The following SLC13A3 variants were observed in gnomAD, a reference collection of about 807,000 sequenced individuals.
SLC13A3 encodes the protein solute carrier family 13 member 3, also known as Na(+)/dicarboxylate cotransporter 3.
A neutral mutation model predicts 59.0 loss-of-function variants in SLC13A3; 40 were observed. That is an observed-to-expected ratio of 0.68 (90% CI 0.53 to 0.88). SLC13A3 has a LOEUF of 0.88. SLC13A3 is among the 40% of genes least tolerant of loss of function. The probability of loss-of-function intolerance (pLI) is 0.00; values close to 1 mark genes in which losing one functional copy is unlikely to be tolerated. For synonymous variants in SLC13A3, 317 were observed against 330.3 expected, an observed-to-expected ratio of 0.96 and a Z score of 0.44; for missense variants, 699 against 783.2, an observed-to-expected ratio of 0.89 and a Z score of 1.28.
rs187942371 is a variant in SLC13A3 at position 46,667,310 on chromosome 20, T to C, written c.-31+2733A>G. ...AGGTATTTCTAGAGAATTGGATTCA[T>C]TGACATCAAAGGAACTCTGGTCCAT... On this transcript the variant is annotated intron_variant, in intron 1 of 12. Transcript: ENST00000290317. Among the ~76,000 whole-genome samples, 445 of 152,270 alleles carry C rather than the reference T, an allele frequency of 2.9e-3. 1 individual carries two copies. The highest frequency in any genetic ancestry group is 7.7e-3 in the Admixed American group (117 of 15,286).
intron 1 of SLC13A3, among the ~76,000 whole-genome samples, chr20:46,625,732 CTTTTAA>C (rs898271511): frequency 6.6e-6 from 1 of 152,168 alleles, no homozygotes; most frequent in African/African-American, 2.4e-5. Context: ...CTCTGGCTGT[CTTTTAA>C]TTTTAATTTT....
At chr20:46,656,070 A>G (rs1040615385), upstream of SLC13A3, among the ~76,000 whole-genome samples, 8 of 143,766 alleles carry the variant, frequency 5.6e-5, no homozygotes, top group East Asian at 1.5e-3. Flanking sequence ...ACAGTATACT[A>G]TATATACATA....
intron 11 of SLC13A3, 34 bp downstream of exon 11, chr20:46,566,195 G>A (rs772876304): frequency 6.3e-7 from 1 of 1,585,516 alleles, no homozygotes; most frequent in Non-Finnish European, 8.7e-7. Context: ...TGTTGGGGGA[G>A]GGGTGCTCCC....
chr20:46,593,747 A>G (rs1418191941), intron 5 of SLC13A3, among the ~76,000 whole-genome samples: 2 of 152,214 alleles, frequency 1.3e-5, no homozygotes, highest in Non-Finnish European at 2.9e-5. Flanking sequence ...CATAGTCACT[A>G]AAAATTATGT....
At chr20:46,633,787 A>T (rs1306346612) in intron 1 of SLC13A3, among the ~76,000 whole-genome samples, 1 of 152,274 alleles carries the variant, frequency 6.6e-6, no homozygotes, top group Non-Finnish European at 1.5e-5. Flanking sequence ...CCTCTGCCTC[A>T]ATGCAAACCA....
At chr20:46,607,240 G>A (rs1413076942) in intron 3 of SLC13A3, among the ~76,000 whole-genome samples, 2 of 152,168 alleles carry the variant, frequency 1.3e-5, no homozygotes, top group Non-Finnish European at 2.9e-5. Flanking sequence ...TCTGCATGTG[G>A]TGGTTACTCA....
chr20:46,604,558 T>C (rs563568371), intron 3 of SLC13A3, among the ~76,000 whole-genome samples: 3 of 152,270 alleles, frequency 2.0e-5, no homozygotes, highest in Admixed American at 6.5e-5. Context: ...GCCCCGTGGT[T>C]TGGGGAAGTC....
intron 1 of SLC13A3, among the ~76,000 whole-genome samples, chr20:46,624,401 G>A (rs775840558): frequency 2.0e-5 from 3 of 152,198 alleles, no homozygotes; most frequent in Non-Finnish European, 4.4e-5. Flanking sequence ...CTATGCAGGA[G>A]GTTCCATGAT....
intron 1 of SLC13A3, chr20:46,669,963 C>T (rs548514719): frequency 1.3e-5 from 2 of 152,292 alleles, no homozygotes; most frequent in Non-Finnish European, 2.9e-5. Context: ...TATAAAACTT[C>T]ATGCTGGCCA....
intron 3 of SLC13A3, among the ~76,000 whole-genome samples, chr20:46,603,702 CAT>C (rs1568931735): frequency 6.6e-6 from 1 of 151,964 alleles, no homozygotes; most frequent in Admixed American, 6.6e-5. Flanking sequence ...ATTTGAATAT[CAT>C]ATAATTTTTC....
chr20:46,611,731 TG>T (rs2062495902), intron 2 of SLC13A3, among the ~76,000 whole-genome samples: 1 of 152,196 alleles, frequency 6.6e-6, no homozygotes, highest in Non-Finnish European at 1.5e-5. Context: ...CTAACTGGGA[TG>T]TATCAGCTTC....
At chr20:46,601,793 T>TG (rs1451056714) in intron 3 of SLC13A3, among the ~76,000 whole-genome samples, 1 of 151,964 alleles carries the variant, frequency 6.6e-6, no homozygotes, top group African/African-American at 2.4e-5. Context: ...GCAAAGGCCC[T>TG]GGGGTGGGAG....
intron 12 of SLC13A3, 118 bp downstream of exon 12, chr20:46,563,296 A>G (rs1294089483): frequency 1.9e-5 from 22 of 1,174,186 alleles, no homozygotes; most frequent in Non-Finnish European, 2.4e-5. Context: ...ACTCAGAAAG[A>G]TCTATTCAGA....
intron 11 of SLC13A3, among the ~76,000 whole-genome samples, chr20:46,565,176 C>G (rs1044925534): frequency 6.6e-6 from 1 of 152,148 alleles, no homozygotes; most frequent in African/African-American, 2.4e-5. Flanking sequence ...GTATATTGTT[C>G]TTTTCATTCT....
At chr20:46,603,625 C>T (rs556134377) in intron 3 of SLC13A3, among the ~76,000 whole-genome samples, 3 of 150,994 alleles carry the variant, frequency 2.0e-5, no homozygotes, top group South Asian at 4.2e-4. Flanking sequence ...GGGGCTCAAG[C>T]GATCCTCTCA....
At chr20:46,575,122 CAG>C (rs1402152588) in intron 10 of SLC13A3, among the ~76,000 whole-genome samples, 1 of 151,990 alleles carries the variant, frequency 6.6e-6, no homozygotes, top group Non-Finnish European at 1.5e-5. Flanking sequence ...ACCTGGGTGA[CAG>C]AGTGAAACTC....
chr20:46,579,167 C>T (rs904967327), intron 9 of SLC13A3, among the ~76,000 whole-genome samples: 1 of 152,006 alleles, frequency 6.6e-6, no homozygotes, highest in Non-Finnish European at 1.5e-5. Flanking sequence ...GACAGGGTCT[C>T]ACTCTGTTGC....
Position 46,632,076 on chromosome 20 carries a change from G to A in SLC13A3, c.112-18351C>T, listed in dbSNP as rs1222319219. ...GTGACCAGGCTCTTGGCAGATACTG[G>A]TAGCTCTGTGCCAGGCAGAGAGCTG... On this transcript the variant is annotated intron_variant, in intron 1 of 12. Transcript: ENST00000279027. Among the ~76,000 whole-genome samples, 3 of 152,138 alleles carry A rather than the reference G, an allele frequency of 2.0e-5. No individual in the cohort carries two copies. In the South Asian group the frequency reaches 6.2e-4, roughly 32 times the overall value.
At chr20:46,614,297 A>G (rs2062533784) in intron 1 of SLC13A3, among the ~76,000 whole-genome samples, 1 of 152,134 alleles carries the variant, frequency 6.6e-6, no homozygotes, top group South Asian at 2.1e-4. Flanking sequence ...CATGCCTTAG[A>G]GTTGTCTCAA....
Sources: allele counts gnomAD v4.1 joint callset (sites outside exome capture counted in the v4.1 genomes callset), GRCh38; gene constraint gnomAD v4.1.1; transcripts MANE v1.5; gene names NCBI Gene and HGNC (gene_info 2026-07-23, HGNC 2026-07-21).